Variants in SLC25A13 observed in about 807,000 individuals in gnomAD.
SLC25A13 encodes the protein solute carrier family 25 member 13.
SLC25A13 carries 70 observed loss-of-function variants against 85.5 expected under a neutral mutation model. That is an observed-to-expected ratio of 0.82 (90% confidence interval 0.68 to 1.00). The LOEUF (loss-of-function observed/expected upper bound fraction) is 1.00, where lower values mean the gene tolerates loss of function less well. Ranked by LOEUF, SLC25A13 falls within the 50% of genes least tolerant of loss-of-function variation. The probability of loss-of-function intolerance (pLI) is 0.00; values close to 1 mark genes in which losing one functional copy is unlikely to be tolerated. For missense variants in SLC25A13, 765 were observed against 819.8 expected (o/e 0.93, Z 0.82); for synonymous variants, 259 against 288.7 (o/e 0.90, Z 1.04).
intron 1 of SLC25A13, among the ~76,000 whole-genome samples, chr7:96,298,599 A>G (rs1799437617): frequency 6.6e-6 from 1 of 152,018 alleles, no homozygotes; most frequent in African/African-American, 2.4e-5. Flanking sequence ...ATGCCCGGCT[A>G]ATTTTTTATT....
chr7:96,127,340 A>G (rs1791771235), intron 15 of SLC25A13, among the ~76,000 whole-genome samples: 1 of 152,224 alleles, frequency 6.6e-6, no homozygotes, highest in Non-Finnish European at 1.5e-5. Flanking sequence ...GCCAATGAAC[A>G]TGAATTCAAA....
intron 3 of SLC25A13, among the ~76,000 whole-genome samples, chr7:96,267,329 A>G (rs1285096499): frequency 6.6e-6 from 1 of 152,234 alleles, no homozygotes; most frequent in Non-Finnish European, 1.5e-5. Flanking sequence ...AATCTTTAAA[A>G]GGCCATATAT....
chr7:96,148,703 C>T (rs1562795082), intron 13 of SLC25A13, among the ~76,000 whole-genome samples: 1 of 152,090 alleles, frequency 6.6e-6, no homozygotes, highest in African/African-American at 2.4e-5. Context: ...AGGGTAAGAC[C>T]ATCTCTATCC....
intron 13 of SLC25A13, among the ~76,000 whole-genome samples, chr7:96,161,804 T>A (rs2116541969): frequency 6.6e-6 from 1 of 152,314 alleles, no homozygotes; most frequent in South Asian, 2.1e-4. Context: ...TAATATGGTC[T>A]TACATTTTGG....
Position 96,321,999 on chromosome 7 carries a change from C to A in SLC25A13, c.-43G>T. The A allele has an allele frequency of 6.5e-7, 1 of 1,533,876 alleles. No individual in the cohort carries two copies. The highest frequency in any genetic ancestry group is 8.8e-7 in the Non-Finnish European group (1 of 1,140,784). On this transcript the variant is annotated 5_prime_UTR_variant, in exon 1 of 18. Transcript: ENST00000265631. ...GGCGACTGCGGGACCCACTGACTGG[C>A]TGGCTGGCGTTTGGGACCCGGGCGG...
chr7:96,196,705 A>G (rs1584441269), intron 5 of SLC25A13, among the ~76,000 whole-genome samples: 1 of 152,366 alleles, frequency 6.6e-6, no homozygotes, highest in Middle Eastern at 3.4e-3. Context: ...AGTTCCACAG[A>G]AGACAAAATG....
chr7:96,136,480 C>T (rs1792292601), intron 14 of SLC25A13, among the ~76,000 whole-genome samples: 1 of 152,204 alleles, frequency 6.6e-6, no homozygotes, highest in African/African-American at 2.4e-5. Context: ...GGATTTGTAT[C>T]TCTCTTTCTC....
At chr7:96,156,052 T>C (rs1441502154) in intron 13 of SLC25A13, among the ~76,000 whole-genome samples, 2 of 152,242 alleles carry the variant, frequency 1.3e-5, no homozygotes, top group South Asian at 2.1e-4. Flanking sequence ...GCCTGAATTT[T>C]TGGTTAATCT....
At chr7:96,180,431 G>C (rs1794377998) in intron 11 of SLC25A13, among the ~76,000 whole-genome samples, 1 of 152,110 alleles carries the variant, frequency 6.6e-6, no homozygotes, top group Non-Finnish European at 1.5e-5. Context: ...ATCCTCCTGG[G>C]TTCAAGCGAT....
intron 4 of SLC25A13, among the ~76,000 whole-genome samples, chr7:96,212,361 T>C (rs1324158130): frequency 5.3e-5 from 8 of 152,122 alleles, no homozygotes. Context: ...GGAAGGGTAG[T>C]AAAAGGTATG....
chr7:96,133,625 G>A (rs1340322960), intron 14 of SLC25A13, among the ~76,000 whole-genome samples: 11 of 151,662 alleles, frequency 7.3e-5, no homozygotes. Flanking sequence ...GTTATAATTC[G>A]GGCTGTTATT....
intron 13 of SLC25A13, among the ~76,000 whole-genome samples, chr7:96,167,570 C>T (rs923328341): frequency 2.0e-5 from 3 of 152,328 alleles, no homozygotes; most frequent in African/African-American, 7.2e-5. Context: ...TGTACTAATT[C>T]TCAGTAATCA....
At chr7:96,269,279 C>CA (rs1283680865) in intron 3 of SLC25A13, among the ~76,000 whole-genome samples, 4 of 152,172 alleles carry the variant, frequency 2.6e-5, no homozygotes, top group Non-Finnish European at 5.9e-5. Context: ...CCACTAGAAA[C>CA]AAGAGTGCTA....
intron 2 of SLC25A13, among the ~76,000 whole-genome samples, chr7:96,285,112 C>A (rs909849482): frequency 4.6e-5 from 7 of 152,156 alleles, no homozygotes; most frequent in African/African-American, 7.2e-5. Flanking sequence ...TTTCTCTATT[C>A]TTATTACTGG....
At chr7:96,246,654 C>T (rs1797203743) in intron 3 of SLC25A13, among the ~76,000 whole-genome samples, 1 of 152,156 alleles carries the variant, frequency 6.6e-6, no homozygotes, top group Non-Finnish European at 1.5e-5. Context: ...AACATTTTGG[C>T]ATTTTCTTTC....
At chr7:96,182,888 C>A (rs1019063085) in intron 11 of SLC25A13, among the ~76,000 whole-genome samples, 1 of 152,194 alleles carries the variant, frequency 6.6e-6, no homozygotes, top group Non-Finnish European at 1.5e-5. Flanking sequence ...AAGCAATGCT[C>A]AGATGTCTGC....
chr7:96,187,282 G>C (rs928759628), intron 9 of SLC25A13, among the ~76,000 whole-genome samples: 1 of 152,132 alleles, frequency 6.6e-6, no homozygotes, highest in East Asian at 1.9e-4. Flanking sequence ...AAAATAATCA[G>C]CAACCCCAGC....
chr7:96,268,530 C>T (rs376377390), intron 3 of SLC25A13, among the ~76,000 whole-genome samples: 1 of 152,266 alleles, frequency 6.6e-6, no homozygotes, highest in East Asian at 1.9e-4. Context: ...GCCCTAGACA[C>T]TCAAAGTCTC....
At chr7:96,202,888 C>T (rs770151846) in intron 5 of SLC25A13, among the ~76,000 whole-genome samples, 1 of 152,158 alleles carries the variant, frequency 6.6e-6, no homozygotes, top group South Asian at 2.1e-4. Context: ...ACCTTGAGTT[C>T]TGCAAATCTA....
Sources: gnomAD v4.1 joint callset for allele counts (sites outside exome capture counted in the v4.1 genomes callset) on GRCh38, gnomAD v4.1.1 for gene constraint, MANE v1.5 for transcripts, NCBI Gene and HGNC (gene_info 2026-07-23, HGNC 2026-07-21) for gene names.